The following ECE1 variants were observed in gnomAD, a reference collection of about 807,000 sequenced individuals.
ECE1 encodes endothelin-converting enzyme 1.
A neutral mutation model predicts 98.6 loss-of-function variants in ECE1; 35 were observed. The ratio of observed to expected loss-of-function variants is 0.35; its 90% CI spans 0.27 to 0.47. The LOEUF (loss-of-function observed/expected upper bound fraction) is 0.47. Ranked by LOEUF, ECE1 falls within the 20% of genes least tolerant of loss-of-function variation. ECE1 has a pLI of 1.00. For missense variants in ECE1, 814 were observed against 1,025.3 expected (o/e 0.79, Z 2.81); for synonymous variants, 394 against 407.1 (o/e 0.97, Z 0.39).
chr1:21,282,936 TA>T lies in ECE1; in HGVS notation c.139-3605del, dbSNP rs139424984. On this transcript the variant is annotated intron_variant, in intron 2 of 18. Coordinates refer to ENST00000374893, the MANE Select transcript of ECE1 (RefSeq NM_001397.3). ...TAGTGCAATTCTATCTTCACAACAT[TA>T]TTTTTTTTTTTTTTTTTTTTTTGAG... 5.1e-3 allele frequency among the ~76,000 whole-genome samples: 591 copies of T among 116,180 alleles called. 1 individual carries two copies. Among genetic ancestry groups the T allele is most frequent in the Non-Finnish European group, 7.6e-3 (459 of 60,372 alleles). The allele number at this position is 116,180 out of a possible 152,430, so 76.2% of individuals were successfully genotyped here.
intron 1 of ECE1, among the ~76,000 whole-genome samples, chr1:21,324,378 G>C (rs1205030102): frequency 6.6e-6 from 1 of 152,220 alleles, no homozygotes; most frequent in Admixed American, 6.5e-5. Context: ...CCATCCATCA[G>C]TGCGGGACTG....
Position 21,260,232 on chromosome 1 carries a change from T to C in ECE1, c.615+39A>G. 9 of 1,613,750 alleles carry C rather than the reference T, an allele frequency of 5.6e-6. No homozygotes were observed. The highest frequency in any genetic ancestry group is 7.6e-6 in the Non-Finnish European group (9 of 1,179,842). Reference sequence around the variant, plus strand: ...GAAGCCAGGGGGCGGGCAGGTGGCATGGGCCGGGGCTTGGGGAGGGAGAGC... The same window carrying C: ...GAAGCCAGGGGGCGGGCAGGTGGCACGGGCCGGGGCTTGGGGAGGGAGAGC... On this transcript the variant is annotated intron_variant, in intron 5 of 18. Coordinates refer to ENST00000374893, the MANE Select transcript of ECE1 (RefSeq NM_001397.3). This position sits in a 1 kb window ranked among gnomAD's most constrained non-coding sequence, Gnocchi z 4.3.
intron 1 of ECE1, among the ~76,000 whole-genome samples, chr1:21,331,233 T>A (rs939887394): frequency 2.0e-5 from 3 of 151,930 alleles, no homozygotes; most frequent in African/African-American, 7.3e-5. Flanking sequence ...TGAAACCCCA[T>A]CTCTACTAAA....
At chr1:21,305,790 T>C (rs1039081962) in intron 1 of ECE1, among the ~76,000 whole-genome samples, 7 of 152,162 alleles carry the variant, frequency 4.6e-5, no homozygotes, top group Non-Finnish European at 8.8e-5. Context: ...TTCGCCCCCA[T>C]GCCTGGTGGC....
At chr1:21,342,169 C>T (rs1258825493) in intron 1 of ECE1, among the ~76,000 whole-genome samples, 9 of 152,172 alleles carry the variant, frequency 5.9e-5, no homozygotes, top group African/African-American at 1.9e-4. Context: ...CAACCCTCAG[C>T]GGTAGCCTCA....
At chr1:21,288,279 T>C (rs2098262792) in intron 2 of ECE1, among the ~76,000 whole-genome samples, 1 of 152,220 alleles carries the variant, frequency 6.6e-6, no homozygotes, top group Admixed American at 6.5e-5. Context: ...ACCTTTATCA[T>C]CAATAATGTG....
In ECE1 at chr1:21,290,132, G is replaced by A. The variant is rs774439756; in HGVS notation, c.76C>T (p.Leu26=). 1 of 1,565,318 alleles carries A rather than the reference G, an allele frequency of 6.4e-7. No homozygotes were observed. The highest frequency in any genetic ancestry group is 1.8e-5 in the Admixed American group (1 of 55,194). Residue 26 remains leucine, a synonymous_variant, in exon 2 of 19, where the codon CTG becomes TTG. Coordinates refer to ENST00000374893, the MANE Select transcript of ECE1 (RefSeq NM_001397.3). The surrounding 1 kb of genome is among the most constrained non-coding windows in gnomAD (Gnocchi z 7.3). The part of the protein sequence containing the change: ...LGMSTYKRAT[L]DEEDLVDSLS... ...GAGTCCACCAGGTCCTCCTCGTCCA[G>A]CGTGGCCCGCTTGTACGTCGACATC...
chr1:21,251,052 T>C (rs936573261), intron 8 of ECE1, among the ~76,000 whole-genome samples: 1 of 151,838 alleles, frequency 6.6e-6, no homozygotes, highest in Non-Finnish European at 1.5e-5. Flanking sequence ...TAAGGTGACT[T>C]TCCTGAGGTC....
intron 1 of ECE1, among the ~76,000 whole-genome samples, chr1:21,344,529 G>A (rs1375047778): frequency 6.6e-6 from 1 of 152,348 alleles, no homozygotes; most frequent in South Asian, 2.1e-4. Flanking sequence ...AGTGGACAAA[G>A]GGCCTTTGCT....
At chr1:21,294,704 G>A (rs1209925759), upstream of ECE1, among the ~76,000 whole-genome samples, 1 of 152,218 alleles carries the variant, frequency 6.6e-6, no homozygotes, top group Non-Finnish European at 1.5e-5. This position sits in a 1 kb window ranked among gnomAD's most constrained non-coding sequence, Gnocchi z 4.2. Context: ...CCTTTGCCCA[G>A]ACGACATTAG....
intron 16 of ECE1, 121 bp downstream of exon 16, chr1:21,227,038 G>T: frequency 1.1e-6 from 1 of 943,842 alleles, no homozygotes; most frequent in Admixed American, 2.0e-5. Flanking sequence ...TTTTTTTTTA[G>T]TAGAGATGGA....
rs112216365 is a variant in ECE1, at chr1:21,284,433, C to T, written c.139-5101G>A. 2.7e-4 allele frequency among the ~76,000 whole-genome samples: 41 copies of T among 151,918 alleles called. 1 individual carries two copies. The highest frequency in any genetic ancestry group is 4.3e-4 in the Non-Finnish European group (29 of 68,014). ...GTGGGCTTAATTTCCTACTTATTGT[C>T]GTGGGAGGCAGAAAGAGAATGAGAA... On this transcript the variant is annotated intron_variant, in intron 2 of 18. Transcript: ENST00000374893.
chr1:21,325,495 C>G (rs917761386), intron 1 of ECE1, among the ~76,000 whole-genome samples: 1 of 152,242 alleles, frequency 6.6e-6, no homozygotes, highest in Non-Finnish European at 1.5e-5. Flanking sequence ...CTGGCCTCCT[C>G]CCTCCTCGCT....
At chr1:21,224,583 C>A (rs979790728) in intron 17 of ECE1, among the ~76,000 whole-genome samples, 2 of 152,068 alleles carry the variant, frequency 1.3e-5, no homozygotes, top group African/African-American at 4.8e-5. Flanking sequence ...CAATAAATGA[C>A]AGCTCTATGG....
intron 17 of ECE1, among the ~76,000 whole-genome samples, chr1:21,223,302 T>G (rs2098169798): frequency 6.6e-6 from 1 of 151,518 alleles, no homozygotes; most frequent in Non-Finnish European, 1.5e-5. Flanking sequence ...TTTATTTATT[T>G]TTTTGAAACA....
chr1:21,260,111 G>A lies in ECE1; in HGVS notation c.615+160C>T, dbSNP rs1401640146. Among the ~76,000 whole-genome samples, 1 of 152,222 alleles carries A rather than the reference G, an allele frequency of 6.6e-6. No homozygotes were observed. The highest frequency in any genetic ancestry group is 2.4e-5 in the African/African-American group (1 of 41,468). On this transcript the variant is annotated intron_variant, in intron 5 of 18. Coordinates refer to ENST00000374893, the MANE Select transcript of ECE1 (RefSeq NM_001397.3). The surrounding 1 kb of genome is among the most constrained non-coding windows in gnomAD (Gnocchi z 4.3). Reference sequence around the variant, plus strand: ...CTACGCAATGTGCTCACACTCACATGTGCTCTCGCACACTCGCTCTCTCTC... The same window carrying A: ...CTACGCAATGTGCTCACACTCACATATGCTCTCGCACACTCGCTCTCTCTC...
intron 1 of ECE1, among the ~76,000 whole-genome samples, chr1:21,333,125 G>A (rs1639238378): frequency 6.6e-6 from 1 of 152,170 alleles, no homozygotes; most frequent in Admixed American, 6.5e-5. Context: ...CAGATCCAGG[G>A]TTCAAGCTCA....
At chr1:21,264,923 C>T (rs1335525083) in intron 4 of ECE1, among the ~76,000 whole-genome samples, 1 of 152,214 alleles carries the variant, frequency 6.6e-6, no homozygotes, top group South Asian at 2.1e-4. Flanking sequence ...AGCATCTGCT[C>T]AGACATCCCT....
chr1:21,272,420 T>TGG (rs1462492602), intron 4 of ECE1, among the ~76,000 whole-genome samples: 1 of 152,082 alleles, frequency 6.6e-6, no homozygotes, highest in African/African-American at 2.4e-5. Flanking sequence ...GCCTCCCGAG[T>TGG]AGTTGGGACT....
Sources: gnomAD v4.1 joint callset for allele counts (sites outside exome capture counted in the v4.1 genomes callset) on GRCh38, gnomAD v4.1.1 for gene constraint, Gnocchi (gnomAD v3.1) non-coding constraint, MANE v1.5 for transcripts, NCBI Gene and HGNC (gene_info 2026-07-23, HGNC 2026-07-21) for gene names.